The following MICU3 variants were observed in gnomAD, a reference collection of about 807,000 sequenced individuals.
MICU3 encodes the protein mitochondrial calcium uptake 3, also known as calcium uptake protein 3, mitochondrial.
MICU3 carries 62 observed loss-of-function variants against 66.5 expected under a neutral mutation model. The observed-to-expected ratio is 0.93, with a 90% CI of 0.76 to 1.15. The LOEUF (loss-of-function observed/expected upper bound fraction) is 1.15, where lower values mean the gene tolerates loss of function less well. Ranked by LOEUF, MICU3 falls within the 50% of genes most tolerant of loss-of-function variation. The pLI is 0.00. For synonymous variants in MICU3, 308 were observed against 240.7 expected, an observed-to-expected ratio of 1.28 and a Z score of -2.59; for missense variants, 779 against 664.4, an observed-to-expected ratio of 1.17 and a Z score of -1.90.
At chr8:17,038,952 CAA>C (rs57441494) in intron 1 of MICU3, among the ~76,000 whole-genome samples, 24,671 of 120,128 alleles carry the variant, frequency 0.21, 3,000 homozygotes, top group East Asian at 0.61. Context: ...GACTCTGTCT[CAA>C]AAAAAAAAAA....
At chr8:17,108,299 G>C (rs1025797273) in intron 11 of MICU3, among the ~76,000 whole-genome samples, 1 of 152,112 alleles carries the variant, frequency 6.6e-6, no homozygotes. Context: ...GTGCAGTCAG[G>C]ACTACTGATT....
chr8:17,106,016 C>G, intron 11 of MICU3, among the ~76,000 whole-genome samples: 1 of 152,042 alleles, frequency 6.6e-6, no homozygotes, highest in East Asian at 1.9e-4. Flanking sequence ...ATCTTATCAT[C>G]AGCTGAAGTG....
chr8:17,053,931 T>C (rs945888510), intron 1 of MICU3, among the ~76,000 whole-genome samples: 1 of 152,226 alleles, frequency 6.6e-6, no homozygotes, highest in African/African-American at 2.4e-5. Context: ...AAATTTCAGT[T>C]ATCTTTTAGC....
rs1803216659 is a variant in MICU3 at position 17,121,819 on chromosome 8, G to A, written c.*1532G>A. The A allele has an allele frequency of 6.6e-6, 1 of 151,696 alleles. No homozygotes were observed. The highest frequency in any genetic ancestry group is 6.6e-5 in the Admixed American group (1 of 15,224). The allele number at this position is 151,696 out of a possible 1,614,324, so 9.4% of individuals were successfully genotyped here. ...TAAAATATATTATTCATAAGTTCAA[G>A]GATCCCATATAGTATAAGAATATAA... On this transcript the variant is annotated 3_prime_UTR_variant, in exon 15 of 15. Transcript: ENST00000318063.
rs200238946 is a variant in MICU3 at position 17,064,274 on chromosome 8, A to G, written c.535+37A>G. On this transcript the variant is annotated intron_variant, in intron 2 of 14. Transcript: ENST00000318063. ...TTTGAAATTATCTTAATAATTGTAT[A>G]ATTTTTTTATCTCTAGCTTGTGAAT... 38 of 1,534,318 alleles carry G rather than the reference A, an allele frequency of 2.5e-5. No homozygotes were observed. The East Asian group carries it at 3.9e-4, about 16-fold the overall frequency.
At chr8:17,067,829 G>T (rs773166819) in intron 2 of MICU3, among the ~76,000 whole-genome samples, 2 of 151,856 alleles carry the variant, frequency 1.3e-5, no homozygotes, top group African/African-American at 2.4e-5. Flanking sequence ...GAAAGTTTTT[G>T]ATATCATTTT....
intron 13 of MICU3, 110 bp from the exon 14 acceptor site, chr8:17,118,597 A>G (rs918644367): frequency 6.2e-6 from 4 of 650,340 alleles, no homozygotes; most frequent in African/African-American, 1.8e-5. Flanking sequence ...GGTAATTAAC[A>G]TTCTACTCTC....
the MICU3 span, among the ~76,000 whole-genome samples, chr8:17,128,494 A>C: frequency 1.3e-5 from 2 of 152,244 alleles, no homozygotes; most frequent in Non-Finnish European, 2.9e-5. Flanking sequence ...TTGTTACACA[A>C]AATGAGAAAA....
chr8:17,136,544 G>A, the MICU3 span, among the ~76,000 whole-genome samples: 2 of 152,060 alleles, frequency 1.3e-5, no homozygotes, highest in South Asian at 4.1e-4. Context: ...GAGGGGATTA[G>A]AGCCTCTGCT....
intron 1 of MICU3, among the ~76,000 whole-genome samples, chr8:17,029,129 A>G (rs376118994): frequency 6.6e-6 from 1 of 152,348 alleles, no homozygotes; most frequent in Non-Finnish European, 1.5e-5. Flanking sequence ...TGAGAGTTAA[A>G]TGAGTTAACA....
intron 3 of MICU3, among the ~76,000 whole-genome samples, chr8:17,073,007 C>T (rs1251373974): frequency 2.0e-5 from 3 of 152,068 alleles, no homozygotes; most frequent in Non-Finnish European, 2.9e-5. Flanking sequence ...CCCCCTACCT[C>T]AGCCTCCTGA....
chr8:17,033,651 A>G (rs1191342056), intron 1 of MICU3, among the ~76,000 whole-genome samples: 2 of 152,032 alleles, frequency 1.3e-5, no homozygotes, highest in Non-Finnish European at 2.9e-5. Flanking sequence ...GTTTGCCAGG[A>G]TGGTCTTGAT....
chr8:17,027,750 A>T, intron 1 of MICU3, 90 bp downstream of exon 1: 2 of 1,236,788 alleles, frequency 1.6e-6, no homozygotes, highest in Non-Finnish European at 2.0e-6. Flanking sequence ...GGACGGTGCA[A>T]GCGCTGTGGC....
intron 1 of MICU3, among the ~76,000 whole-genome samples, chr8:17,040,847 G>C (rs574555268): frequency 6.6e-6 from 1 of 152,238 alleles, no homozygotes; most frequent in Admixed American, 6.5e-5. Flanking sequence ...AAATTCTAGG[G>C]TTTTAGGGGT....
chr8:17,123,183 T>G (rs1803304324), downstream of MICU3, among the ~76,000 whole-genome samples: 2 of 152,136 alleles, frequency 1.3e-5, no homozygotes, highest in Admixed American at 1.3e-4. Flanking sequence ...CATAAAATAA[T>G]GGTACACCTT....
chr8:17,102,589 A>C (rs1801362154), intron 9 of MICU3: 1 of 151,984 alleles, frequency 6.6e-6, no homozygotes, highest in Non-Finnish European at 1.5e-5. Flanking sequence ...TTCAACTTAA[A>C]GTTCTGGGGA....
In MICU3 at chr8:17,086,989, A is replaced by G; in HGVS notation, c.803A>G (p.Asn268Ser). Residue 268 changes from asparagine to serine, a missense_variant, in exon 7 of 15, where the codon AAT becomes AGT. Physicochemically the swap from Asn to Ser is conservative, Grantham distance 46. Coordinates refer to ENST00000318063, the MANE Select transcript of MICU3 (RefSeq NM_181723.3). ...LVLQEIFRKK[N>S]EKREIKGDEE... is the part of the protein sequence containing the mutation. Reference sequence around the variant, plus strand: ...CTTCAAGAGATATTCAGGAAAAAAAATGAAAAGAGAGAAATTAAAGGAGAT... The same window carrying G: ...CTTCAAGAGATATTCAGGAAAAAAAGTGAAAAGAGAGAAATTAAAGGAGAT... 4 of 1,606,384 alleles carry G rather than the reference A, an allele frequency of 2.5e-6. No homozygotes were observed. Among genetic ancestry groups the G allele is most frequent in the Non-Finnish European group, 3.4e-6 (4 of 1,174,106 alleles).
At chr8:17,092,943 C>T (rs1019366481) in intron 8 of MICU3, among the ~76,000 whole-genome samples, 2 of 151,972 alleles carry the variant, frequency 1.3e-5, no homozygotes, top group African/African-American at 4.8e-5. Flanking sequence ...GAAGAAGTTT[C>T]CTCAGGGAAA....
intron 1 of MICU3, among the ~76,000 whole-genome samples, chr8:17,048,232 CT>C (rs777925026): frequency 6.4e-4 from 97 of 152,200 alleles, no homozygotes; most frequent in Non-Finnish European, 7.4e-4. Context: ...AAAAGAAGTC[CT>C]GGAATGGAAA....
Sources: gnomAD v4.1 joint callset for allele counts (sites outside exome capture counted in the v4.1 genomes callset) on GRCh38, gnomAD v4.1.1 for gene constraint, MANE v1.5 for transcripts, NCBI Gene and HGNC (gene_info 2026-07-23, HGNC 2026-07-21) for gene names.